IBSP: variants seen among roughly 807,000 people sequenced by gnomAD.
IBSP encodes the protein integrin binding sialoprotein, also known as integrin-binding sialoprotein.
IBSP carries 19 observed loss-of-function variants against 25.5 expected under a neutral mutation model. That is an observed-to-expected ratio of 0.74 (90% CI 0.52 to 1.09). The LOEUF is 1.09. IBSP is among the 50% of genes least tolerant of loss of function. The pLI is 0.00. For synonymous variants in IBSP, 144 were observed against 137.6 expected (o/e 1.05, Z -0.33); for missense variants, 360 against 382.3 (o/e 0.94, Z 0.49).
rs748329407 is a variant in IBSP, at chr4:87,811,810, C to T, written c.854C>T (p.Pro285Leu). 1.2e-6 allele frequency: 2 copies of T among 1,612,150 alleles called. No homozygotes were observed. Among genetic ancestry groups the T allele is most frequent in the Non-Finnish European group, 8.5e-7 (1 of 1,179,080 alleles). ...YEIYESENGE[P>L]RGDNYRAYED... ...ATCTATGAAAGTGAGAACGGGGAACCTCGTGGGGACAATTACCGAGCCTAT... is the reference window on the plus strand; with the variant it reads ...ATCTATGAAAGTGAGAACGGGGAACTTCGTGGGGACAATTACCGAGCCTAT... The change falls in exon 7 of 7, where the codon CCT (proline) becomes CTT (leucine). Residue 285 changes from proline to leucine, a missense_variant. Physicochemically the swap from Pro to Leu is moderately conservative, Grantham distance 98 (BLOSUM62 -3). Coordinates refer to ENST00000226284, the MANE Select transcript of IBSP (RefSeq NM_004967.4).
At position 87,811,717 on chromosome 4, in the gene IBSP, C is replaced by T. The variant is rs764829665; in HGVS notation, c.761C>T (p.Thr254Ile). 7.4e-6 allele frequency: 12 copies of T among 1,614,064 alleles called. No individual in the cohort carries two copies. The East Asian group carries it at 2.2e-4, about 30-fold the overall frequency. The change falls in exon 7 of 7, where the codon ACC becomes ATC. Residue 254 changes from threonine to isoleucine, a missense_variant. Physicochemically the swap from Thr to Ile is moderately conservative, Grantham distance 89 (BLOSUM62 -1). Transcript: ENST00000226284. ...ACCACTTCCCCACCTTTTGGGAAAA[C>T]CACCACCGTTGAATACGAGGGGGAG... Reference protein sequence around the residue: ...YRTTSPPFGKTTTVEYEGEYE... With the variant: ...YRTTSPPFGKITTVEYEGEYE...
At chr4:87,807,434 C>G (rs1373029440) in intron 5 of IBSP, among the ~76,000 whole-genome samples, 2 of 152,042 alleles carry the variant, frequency 1.3e-5, no homozygotes, top group Non-Finnish European at 2.9e-5. Flanking sequence ...ATACTAACAT[C>G]TTGAAGGAAG....
At position 87,811,609 on chromosome 4, in the gene IBSP, G is replaced by A; in HGVS notation, c.653G>A (p.Gly218Glu). The A allele has an allele frequency of 6.2e-7, 1 of 1,613,916 alleles. No homozygotes were observed. The highest frequency in any genetic ancestry group is 8.5e-7 in the Non-Finnish European group (1 of 1,179,968). The change falls in exon 7 of 7, where the codon GGA becomes GAA. Residue 218 changes from glycine (G) to glutamate (E), a missense_variant. Gly to Glu is a moderately conservative substitution (Grantham distance 98). Coordinates refer to ENST00000226284, the MANE Select transcript of IBSP (RefSeq NM_004967.4). ...AATGCAGAAGACACCACAGAGACCG[G>A]AAGGCAGGGCAAGGGCACCTCGAAG... is the stretch of plus-strand genomic sequence containing the variant. Reference protein sequence around the residue: ...GANAEDTTETGRQGKGTSKTT... With the variant: ...GANAEDTTETERQGKGTSKTT...
Position 87,811,393 on chromosome 4 carries a change from A to C in IBSP, c.437A>C (p.Glu146Ala). ...GATATAACAAATAAAGCTACAAAAG[A>C]GAAGGAAAGTGATGAAGAAGAAGAG... ...AGDITNKATK[E>A]KESDEEEEEE... Residue 146 changes from glutamate to alanine, a missense_variant, in exon 7 of 7, where the codon GAG becomes GCG. Transcript: ENST00000226284. The C allele has an allele frequency of 6.2e-7, 1 of 1,612,110 alleles. No homozygotes were observed.
At position 87,805,449 on chromosome 4, in the gene IBSP, T is replaced by C. The variant is rs909180434; in HGVS notation, c.184-673T>C. ...AATGAATAAGTCATAAGATTTTTACTTCACATGTATAAATTAACCTCATTT... is the reference window on the plus strand; with the variant it reads ...AATGAATAAGTCATAAGATTTTTACCTCACATGTATAAATTAACCTCATTT... On this transcript the variant is annotated intron_variant, in intron 4 of 6. Coordinates refer to ENST00000226284, the MANE Select transcript of IBSP (RefSeq NM_004967.4). Among the ~76,000 whole-genome samples the C allele has an allele frequency of 2.6e-5, 4 of 152,200 alleles. No homozygotes were observed. In the East Asian group the frequency reaches 5.8e-4, roughly 22 times the overall value.
chr4:87,810,812 T>A, intron 6 of IBSP, 48 bp downstream of exon 6: 1 of 1,537,762 alleles, frequency 6.5e-7, no homozygotes, highest in Admixed American at 1.7e-5. Flanking sequence ...CCATTAATAA[T>A]AATGGTAATG....
rs1220138624 is a variant in IBSP, at chr4:87,810,641, G to T, written c.282G>T (p.Ser94=). 6.2e-7 allele frequency: 1 copy of T among 1,613,262 alleles called. No homozygotes were observed. ...TSNEGENNEE[S]NEDEDSEAEN... is the part of the protein sequence containing the mutation. ...ATGAAGGAGAAAACAATGAAGAATC[G>T]AATGAAGATGAAGACTCTGAGGCTG... Residue 94 remains serine, a synonymous_variant, in exon 6 of 7, where the codon TCG becomes TCT. Coordinates refer to ENST00000226284, the MANE Select transcript of IBSP (RefSeq NM_004967.4).
intron 1 of IBSP, among the ~76,000 whole-genome samples, chr4:87,801,513 CACGCATAT>C (rs1448898157): frequency 1.0e-4 from 9 of 85,944 alleles, no homozygotes; most frequent in Non-Finnish European, 2.9e-4. Flanking sequence ...CACACACACA[CACGCATAT>C]ACACACACAC....
chr4:87,809,312 G>T (rs567223897), intron 5 of IBSP, among the ~76,000 whole-genome samples: 1 of 152,284 alleles, frequency 6.6e-6, no homozygotes, highest in East Asian at 1.9e-4. Context: ...AAATATAAAA[G>T]TTGGGATATT....
Position 87,810,727 on chromosome 4 carries a change from G to T in IBSP, c.368G>T (p.Gly123Val). The change falls in exon 6 of 7, where the codon GGG (glycine) becomes GTG (valine). Residue 123 changes from glycine (G) to valine (V), a missense_variant. By Grantham distance (109) the Gly-to-Val change is moderately radical. Coordinates refer to ENST00000226284, the MANE Select transcript of IBSP (RefSeq NM_004967.4). Reference sequence around the variant, plus strand: ...GGAGAGGACGCCACGCCTGGCACAGGGTATACAGGGTTAGCTGCAATCCAG... The same window carrying T: ...GGAGAGGACGCCACGCCTGGCACAGTGTATACAGGGTTAGCTGCAATCCAG... ...GYGEDATPGT[G>V]YTGLAAIQLP... 6.2e-7 allele frequency: 1 copy of T among 1,613,550 alleles called. No individual in the cohort carries two copies. The highest frequency in any genetic ancestry group is 8.5e-7 in the Non-Finnish European group (1 of 1,179,808).
At chr4:87,810,468 G>A in intron 5 of IBSP, 138 bp from the exon 6 acceptor site, 2 of 659,790 alleles carry the variant, frequency 3.0e-6, no homozygotes, top group South Asian at 3.9e-5. Context: ...GGGGAAGGCA[G>A]GCTTTGAGTG....
At chr4:87,805,247 T>C (rs1158805863) in intron 4 of IBSP, among the ~76,000 whole-genome samples, 1 of 152,182 alleles carries the variant, frequency 6.6e-6, no homozygotes, top group Non-Finnish European at 1.5e-5. Flanking sequence ...GAATCAAAGC[T>C]AAATATTGCA....
chr4:87,804,512 G>A (rs914416114), intron 4 of IBSP, among the ~76,000 whole-genome samples: 2 of 152,100 alleles, frequency 1.3e-5, no homozygotes, highest in Non-Finnish European at 2.9e-5. Context: ...TTGTCATTTT[G>A]TGATTCAAAT....
chr4:87,811,585 A>C lies in IBSP; in HGVS notation c.629A>C (p.Asn210Thr), dbSNP rs1342889913. ...EGEEESVTGA[N>T]AEDTTETGRQ... Reference sequence around the variant, plus strand: ...GAAGAAGAAAGTGTCACTGGAGCCAATGCAGAAGACACCACAGAGACCGGA... The same window carrying C: ...GAAGAAGAAAGTGTCACTGGAGCCACTGCAGAAGACACCACAGAGACCGGA... Residue 210 changes from asparagine to threonine, a missense_variant, in exon 7 of 7, where the codon AAT becomes ACT. Physicochemically the swap from Asn to Thr is moderately conservative, Grantham distance 65. Coordinates refer to ENST00000226284, the MANE Select transcript of IBSP (RefSeq NM_004967.4). The C allele has an allele frequency of 6.8e-6, 11 of 1,613,790 alleles. No individual in the cohort carries two copies. Among genetic ancestry groups the C allele is most frequent in the Non-Finnish European group, 9.3e-6 (11 of 1,179,878 alleles).
rs1426517738 is a variant in IBSP, at chr4:87,812,302, A to T, written c.*392A>T. The T allele has an allele frequency of 5.9e-6, 1 of 168,308 alleles. No homozygotes were observed. The highest frequency in any genetic ancestry group is 6.3e-5 in the Admixed American group (1 of 15,828). 10.4% of individuals were successfully genotyped at this position (168,308 alleles called of 1,614,324 possible). A position where few individuals can be genotyped will look rare whatever the true frequency, so the allele number is the denominator to read the frequency against. On this transcript the variant is annotated 3_prime_UTR_variant, in exon 7 of 7. Transcript: ENST00000226284. The stretch of plus-strand genomic sequence containing the variant: ...GACATTAATGACACTGTATACAATA[A>T]ATGTGTAGTTTCTTAATCGCACTAC...
chr4:87,811,049 G>T (rs937281898), intron 6 of IBSP, among the ~76,000 whole-genome samples: 1 of 152,084 alleles, frequency 6.6e-6, no homozygotes, highest in Non-Finnish European at 1.5e-5. Flanking sequence ...TGGATAAAAG[G>T]TCCTGAGAGA....
rs1362214017 is a variant in IBSP, at chr4:87,799,617, T to G, written c.-31T>G. 6.6e-6 allele frequency: 1 copy of G among 152,176 alleles called. No homozygotes were observed. The highest frequency in any genetic ancestry group is 1.5e-5 in the Non-Finnish European group (1 of 68,036). 9.4% of individuals were successfully genotyped at this position (152,176 alleles called of 1,614,324 possible). On this transcript the variant is annotated 5_prime_UTR_variant, in exon 1 of 7. Coordinates refer to ENST00000226284, the MANE Select transcript of IBSP (RefSeq NM_004967.4). The stretch of plus-strand genomic sequence containing the variant: ...CACTGCCTTGAGCCTGCTTCCTCAC[T>G]CCAGGACTGCCAGAGGGTAAGATTT...
rs1283864810 is a variant in IBSP, at chr4:87,802,346, A to G, written c.-14-2A>G. The G allele has an allele frequency of 6.3e-7, 1 of 1,596,226 alleles. No individual in the cohort carries two copies. Among genetic ancestry groups the G allele is most frequent in the Non-Finnish European group, 8.6e-7 (1 of 1,169,214 alleles). On this transcript the variant is annotated splice_acceptor_variant, in intron 1 of 6. Transcript: ENST00000226284. LOFTEE classifies it low-confidence loss of function (5UTR_SPLICE). ...TTAACCTTACCACTTCATTAATTCC[A>G]GAAGCAATCACCAAAATGAAGACTG...
intron 5 of IBSP, among the ~76,000 whole-genome samples, chr4:87,807,638 T>C (rs1285249786): frequency 1.3e-5 from 2 of 152,218 alleles, no homozygotes; most frequent in Non-Finnish European, 2.9e-5. Context: ...TGCATAACTT[T>C]TGGGAGTGGC....
Sources: allele counts gnomAD v4.1 joint callset (sites outside exome capture counted in the v4.1 genomes callset), GRCh38; gene constraint gnomAD v4.1.1; transcripts MANE v1.5; gene names NCBI Gene and HGNC (gene_info 2026-07-23, HGNC 2026-07-21).